ANKRD46: variants seen among roughly 807,000 people sequenced by gnomAD.
ANKRD46 encodes ankyrin repeat domain-containing protein 46.
Under a neutral mutation model 19.8 loss-of-function variants are expected in ANKRD46, and 13 were observed. That is an observed-to-expected ratio of 0.66 (90% CI 0.43 to 1.04). The LOEUF is 1.04. ANKRD46 is among the 50% of genes least tolerant of loss of function. The pLI, the probability that ANKRD46 is intolerant of heterozygous loss-of-function variation, is 0.00. For missense variants in ANKRD46, 185 were observed against 274.8 expected (o/e 0.67, Z 2.31); for synonymous variants, 91 against 106.9 (o/e 0.85, Z 0.92).
Position 100,525,662 on chromosome 8 carries a change from T to C in ANKRD46, c.470+2183A>G, listed in dbSNP as rs1811828175. Among the ~76,000 whole-genome samples the C allele has an allele frequency of 6.6e-6, 1 of 152,242 alleles. No homozygotes were observed. The highest frequency in any genetic ancestry group is 6.5e-5 in the Admixed American group (1 of 15,282). On this transcript the variant is annotated intron_variant, in intron 4 of 4. Coordinates refer to ENST00000335659, the MANE Select transcript of ANKRD46 (RefSeq NM_001270377.2). The surrounding 1 kb of genome is among the most constrained non-coding windows in gnomAD (Gnocchi z 4.4). Reference sequence around the variant, plus strand: ...CATCAGCTGATGGATATCTGGGTGGTATCAATGTTTTGGCTATTATGAATA... The same window carrying C: ...CATCAGCTGATGGATATCTGGGTGGCATCAATGTTTTGGCTATTATGAATA...
Position 100,534,578 on chromosome 8 carries a change from G to C in ANKRD46, c.-130-1267C>G, listed in dbSNP as rs1024385640. 2.6e-5 allele frequency among the ~76,000 whole-genome samples: 4 copies of C among 152,170 alleles called. No individual in the cohort carries two copies. Among genetic ancestry groups the C allele is most frequent in the Non-Finnish European group, 5.9e-5 (4 of 68,036 alleles). On this transcript the variant is annotated intron_variant, in intron 1 of 4. Transcript: ENST00000335659. This position sits in a 1 kb window ranked among gnomAD's most constrained non-coding sequence, Gnocchi z 4.2. The stretch of plus-strand genomic sequence containing the variant: ...CGACTAGAGCCTGTCTCTAATGTAT[G>C]ATTTGGCTTTAATTTTCAATGTTAA...
chr8:100,533,998 G>A (rs1412746604), intron 1 of ANKRD46, among the ~76,000 whole-genome samples: 1 of 152,196 alleles, frequency 6.6e-6, no homozygotes, highest in African/African-American at 2.4e-5. Flanking sequence ...TTCTCTGGAA[G>A]GACCGTGGAA....
intron 4 of ANKRD46, 131 bp from the exon 5 acceptor site, chr8:100,522,902 CACATAT>C (rs58581117): frequency 0.12 from 32,962 of 269,376 alleles, 558 homozygotes; most frequent in African/African-American, 0.26. Context: ...CACACACACA[CACATAT>C]ATATATATAC....
At chr8:100,547,092 G>A (rs527923674) in intron 1 of ANKRD46, among the ~76,000 whole-genome samples, 26 of 152,282 alleles carry the variant, frequency 1.7e-4, no homozygotes, top group African/African-American at 6.3e-4. Context: ...GGTTAATACT[G>A]GAATGAGTTA....
chr8:100,522,900 CACACAT>C lies in ANKRD46; in HGVS notation c.471-135_471-130del, dbSNP rs1307670040. The C allele has an allele frequency of 1.8e-4, 101 of 547,316 alleles. No homozygotes were observed. The Middle Eastern group carries it at 2.9e-3, about 16-fold the overall frequency. The allele number at this position is 547,316 out of a possible 1,614,324, so 33.9% of individuals were successfully genotyped here. ...ACACACACACACACACACACACACA[CACACAT>C]ATATATATATACACACTCTTACATG... On this transcript the variant is annotated intron_variant, in intron 4 of 4. Transcript: ENST00000335659.
chr8:100,526,023 T>C (rs544224881), intron 4 of ANKRD46, among the ~76,000 whole-genome samples: 140 of 152,310 alleles, frequency 9.2e-4, no homozygotes, highest in Admixed American at 1.2e-3. Context: ...CTTCAACCAC[T>C]GAATTTCTAC....
chr8:100,547,947 TC>T lies in ANKRD46; in HGVS notation c.-131+11763del, dbSNP rs1812306461. On this transcript the variant is annotated intron_variant, in intron 1 of 4. Coordinates refer to ENST00000335659, the MANE Select transcript of ANKRD46 (RefSeq NM_001270377.2). ...TCTCTTCTGTCACCCTCTACCCCAG[TC>T]AATCTCATTAAGCTATCATGTACAT... Among the ~76,000 whole-genome samples the T allele has an allele frequency of 2.0e-5, 3 of 152,190 alleles. No homozygotes were observed. In the South Asian group the frequency reaches 6.2e-4, roughly 32 times the overall value.
rs1488737061 is a variant in ANKRD46, at chr8:100,544,564, G to T, written c.-130-11253C>A. Among the ~76,000 whole-genome samples the T allele has an allele frequency of 6.6e-6, 1 of 152,126 alleles. No homozygotes were observed. The highest frequency in any genetic ancestry group is 2.4e-5 in the African/African-American group (1 of 41,434). On this transcript the variant is annotated intron_variant, in intron 1 of 4. Transcript: ENST00000335659. The surrounding 1 kb of genome is among the most constrained non-coding windows in gnomAD (Gnocchi z 4.4). ...GATCCATGATCTGTGAATTTATCAA[G>T]AATTATTTTTCAGGATAAGCACTAA...
intron 5 of ANKRD46, among the ~76,000 whole-genome samples, chr8:100,513,677 T>C (rs1162925187): frequency 3.3e-5 from 5 of 152,224 alleles, no homozygotes; most frequent in Non-Finnish European, 7.3e-5. Context: ...TGGTTAAATA[T>C]GACTGCCTTT....
Position 100,510,513 on chromosome 8 carries a change from T to C in ANKRD46, c.*64A>G. On this transcript the variant is annotated 3_prime_UTR_variant, in exon 6 of 6. Coordinates refer to the ANKRD46 transcript ENST00000520552. This position sits in a 1 kb window ranked among gnomAD's most constrained non-coding sequence, Gnocchi z 4.9. ...AAACAGCCCCACCCAACAGGGACGC[T>C]GACGTCTGTATCCCTTCTTTCTTGC... 1 of 1,459,526 alleles carries C rather than the reference T, an allele frequency of 6.9e-7. No homozygotes were observed. Among genetic ancestry groups the C allele is most frequent in the East Asian group, 2.5e-5 (1 of 40,160 alleles). 90.4% of individuals were successfully genotyped at this position (1,459,526 alleles called of 1,614,324 possible).
chr8:100,529,416 T>C lies in ANKRD46; in HGVS notation c.311+107A>G. 1 of 1,184,672 alleles carries C rather than the reference T, an allele frequency of 8.4e-7. No homozygotes were observed. The highest frequency in any genetic ancestry group is 1.5e-5 in the South Asian group (1 of 64,782). The allele number at this position is 1,184,672 out of a possible 1,614,324, so 73.4% of individuals were successfully genotyped here. A position where few individuals can be genotyped will look rare whatever the true frequency, so the allele number is the denominator to read the frequency against. On this transcript the variant is annotated intron_variant, in intron 3 of 4. Coordinates refer to ENST00000335659, the MANE Select transcript of ANKRD46 (RefSeq NM_001270377.2). The surrounding 1 kb of genome is among the most constrained non-coding windows in gnomAD (Gnocchi z 5.8). ...TGTCTTCAATGCTTTCTGAACTTAT[T>C]TCAACTGATTAATGAGGAAACAAAA...
chr8:100,556,875 A>C (rs1014764601), intron 1 of ANKRD46: 1 of 151,984 alleles, frequency 6.6e-6, no homozygotes, highest in Non-Finnish European at 1.5e-5. Context: ...GTAATTATTC[A>C]TCTCTCCAAT....
rs549306640 is a variant in ANKRD46 at position 100,530,281 on chromosome 8, T to C, written c.-27-421A>G. 1.3e-3 allele frequency among the ~76,000 whole-genome samples: 201 copies of C among 152,390 alleles called. 1 individual carries two copies. Among genetic ancestry groups the C allele is most frequent in the Non-Finnish European group, 2.4e-3 (162 of 68,040 alleles). On this transcript the variant is annotated intron_variant, in intron 2 of 4. Coordinates refer to ENST00000335659, the MANE Select transcript of ANKRD46 (RefSeq NM_001270377.2). Reference sequence around the variant, plus strand: ...TAATACAAACTAATTCTCTTTGATATATTTGCTTCTTCTTGTATTTGAGAT... The same window carrying C: ...TAATACAAACTAATTCTCTTTGATACATTTGCTTCTTCTTGTATTTGAGAT...
intron 1 of ANKRD46, among the ~76,000 whole-genome samples, chr8:100,555,226 T>A (rs1812469331): frequency 6.6e-6 from 1 of 151,456 alleles, no homozygotes; most frequent in African/African-American, 2.4e-5. Context: ...ACAAATTCAA[T>A]ATTATAGTCT....
chr8:100,550,943 T>C lies in ANKRD46; in HGVS notation c.-131+8768A>G. 1.7e-6 allele frequency: 1 copy of C among 596,686 alleles called. No individual in the cohort carries two copies. The highest frequency in any genetic ancestry group is 3.1e-6 in the Non-Finnish European group (1 of 319,310). 37.0% of individuals were successfully genotyped at this position (596,686 alleles called of 1,614,324 possible). ...GCCCTCTGACGCCTGCTTCACCACC[T>C]TTTTGATGTCATCATATTTGGCAGG... On this transcript the variant is annotated intron_variant, in intron 1 of 4. Coordinates refer to ENST00000335659, the MANE Select transcript of ANKRD46 (RefSeq NM_001270377.2). This position sits in a 1 kb window ranked among gnomAD's most constrained non-coding sequence, Gnocchi z 4.4.
In ANKRD46 at chr8:100,527,772, G is replaced by A; in HGVS notation, c.470+73C>T. On this transcript the variant is annotated intron_variant, in intron 4 of 4. Coordinates refer to ENST00000335659, the MANE Select transcript of ANKRD46 (RefSeq NM_001270377.2). This position sits in a 1 kb window ranked among gnomAD's most constrained non-coding sequence, Gnocchi z 4.0. Reference sequence around the variant, plus strand: ...CCCAGCTAGTCAGGAGGCTGAGGCAGGAAGAATGCTTGAGCCCAGGAGTTC... The same window carrying A: ...CCCAGCTAGTCAGGAGGCTGAGGCAAGAAGAATGCTTGAGCCCAGGAGTTC... The A allele has an allele frequency of 6.8e-7, 1 of 1,481,430 alleles. No homozygotes were observed. The highest frequency in any genetic ancestry group is 2.0e-5 in the Admixed American group (1 of 48,868). The allele number at this position is 1,481,430 out of a possible 1,614,324, so 91.8% of individuals were successfully genotyped here.
At chr8:100,535,246 CT>C (rs1812041466) in intron 1 of ANKRD46, among the ~76,000 whole-genome samples, 1 of 152,188 alleles carries the variant, frequency 6.6e-6, no homozygotes, top group Admixed American at 6.5e-5. Flanking sequence ...AATAGCTTCC[CT>C]AAGAAGTCAT....
intron 2 of ANKRD46, among the ~76,000 whole-genome samples, chr8:100,531,054 G>A (rs1241097217): frequency 6.6e-6 from 1 of 152,106 alleles, no homozygotes; most frequent in Non-Finnish European, 1.5e-5. Flanking sequence ...TGGTGCACCT[G>A]AACTCTCAGG....
rs1206787258 is a variant in ANKRD46, at chr8:100,525,070, T to C, written c.471-2299A>G. Among the ~76,000 whole-genome samples the C allele has an allele frequency of 2.0e-5, 3 of 152,208 alleles. No individual in the cohort carries two copies. The highest frequency in any genetic ancestry group is 4.8e-5 in the African/African-American group (2 of 41,456). On this transcript the variant is annotated intron_variant, in intron 4 of 4. Transcript: ENST00000335659. This position sits in a 1 kb window ranked among gnomAD's most constrained non-coding sequence, Gnocchi z 4.4. Reference sequence around the variant, plus strand: ...AAATATTTTTCATTAACTTGATTTATAGTCCCTTATAAGGCCTGCAGAAGT... The same window carrying C: ...AAATATTTTTCATTAACTTGATTTACAGTCCCTTATAAGGCCTGCAGAAGT...
Sources: gnomAD v4.1 joint callset for allele counts (sites outside exome capture counted in the v4.1 genomes callset) on GRCh38, gnomAD v4.1.1 for gene constraint, Gnocchi (gnomAD v3.1) non-coding constraint, MANE v1.5 for transcripts, NCBI Gene and HGNC (gene_info 2026-07-23, HGNC 2026-07-21) for gene names.